The following FH variants were observed in gnomAD, a reference collection of about 807,000 sequenced individuals.
The protein encoded by FH is fumarate hydratase, mitochondrial.
A neutral mutation model predicts 49.4 loss-of-function variants in FH; 22 were observed. That is an observed-to-expected ratio of 0.45 (90% CI 0.32 to 0.64). The LOEUF (loss-of-function observed/expected upper bound fraction) is 0.64, where lower values mean the gene tolerates loss of function less well. FH is among the 30% of genes least tolerant of loss of function. The probability of loss-of-function intolerance (pLI) is 0.05; values close to 1 mark genes in which losing one functional copy is unlikely to be tolerated. For missense variants in FH, 526 were observed against 641.5 expected, an observed-to-expected ratio of 0.82 and a Z score of 1.95; for synonymous variants, 208 against 223.0, an observed-to-expected ratio of 0.93 and a Z score of 0.60.
intron 6 of FH, among the ~76,000 whole-genome samples, chr1:241,505,103 G>A (rs948808993): frequency 6.6e-6 from 1 of 151,732 alleles, no homozygotes; most frequent in Non-Finnish European, 1.5e-5. Context: ...TAGAGACAGG[G>A]TTTCGCCATG....
At chr1:241,505,112 T>C (rs966567914) in intron 6 of FH, among the ~76,000 whole-genome samples, 1 of 152,006 alleles carries the variant, frequency 6.6e-6, no homozygotes, top group South Asian at 2.1e-4. Context: ...GGTTTCGCCA[T>C]GTTGACCAGG....
In FH at chr1:241,498,853, A is replaced by G. The variant is rs534641958; in HGVS notation, c.1391-883T>C. Among the ~76,000 whole-genome samples the G allele has an allele frequency of 9.3e-5, 14 of 150,488 alleles. No homozygotes were observed. In the South Asian group the frequency reaches 2.9e-3, roughly 32 times the overall value. On this transcript the variant is annotated intron_variant, in intron 9 of 9. Transcript: ENST00000366560. ...CTTGCTGAGGCAGTATACATCATCA[A>G]TAAGATGGCATGTGTCAATATGCAA...
In FH at chr1:241,503,933, C is replaced by T. The variant is rs4660099; in HGVS notation, c.1108+109G>A. On this transcript the variant is annotated intron_variant, in intron 7 of 9. Transcript: ENST00000366560. ...AGACATGCTGGAACAGTGCGCCTTG[C>T]GCATCCAGCTGCGGGATAACTTTAA... 370,116 of 1,150,248 alleles carry T rather than the reference C, an allele frequency of 0.32. 63,390 individuals carry two copies. The highest frequency in any genetic ancestry group is 0.36 in the Non-Finnish European group (281,487 of 781,628). The allele number at this position is 1,150,248 out of a possible 1,614,324, so 71.3% of individuals were successfully genotyped here.
intron 1 of FH, 44 bp downstream of exon 1, chr1:241,519,547 G>C (rs1328065316): frequency 6.5e-7 from 1 of 1,538,742 alleles, no homozygotes; most frequent in East Asian, 2.5e-5. Context: ...CAGGAGGGCT[G>C]AAGGTCACTG....
rs2147917743 is a variant in FH, at chr1:241,506,133, T to C, written c.774A>G (p.Ala258=). ...FSGYVQQVKY[A]MTRIKAAMPR... Reference sequence around the variant, plus strand: ...GCATGGCAGCTTTTATTCTTGTCATTGCATATTTTACTTGTTGAACATAAC... The same window carrying C: ...GCATGGCAGCTTTTATTCTTGTCATCGCATATTTTACTTGTTGAACATAAC... The change falls in exon 6 of 10, where the codon GCA becomes GCG. Residue 258 remains alanine (A), a synonymous_variant. Transcript: ENST00000366560. 1.2e-6 allele frequency: 2 copies of C among 1,613,900 alleles called. No homozygotes were observed. Among genetic ancestry groups the C allele is most frequent in the African/African-American group, 1.3e-5 (1 of 75,026 alleles).
At chr1:241,506,660 T>C (rs937505550) in intron 5 of FH, among the ~76,000 whole-genome samples, 7 of 152,172 alleles carry the variant, frequency 4.6e-5, no homozygotes, top group African/African-American at 1.7e-4. Flanking sequence ...ATGAAGACAT[T>C]CTACAGAGAC....
intron 5 of FH, 99 bp from the exon 6 acceptor site, chr1:241,506,267 GA>G (rs1659928147): frequency 1.1e-6 from 1 of 891,322 alleles, no homozygotes; most frequent in Non-Finnish European, 1.7e-6. Context: ...ATACCTTTCA[GA>G]ATACTAAATT....
chr1:241,503,718 C>A (rs1659838294), intron 7 of FH, among the ~76,000 whole-genome samples: 1 of 152,236 alleles, frequency 6.6e-6, no homozygotes, highest in Non-Finnish European at 1.5e-5. Flanking sequence ...ATCTAACAGG[C>A]ATATAACGGA....
intron 2 of FH, among the ~76,000 whole-genome samples, chr1:241,514,210 G>C (rs956568515): frequency 3.3e-5 from 5 of 152,066 alleles, no homozygotes; most frequent in African/African-American, 1.2e-4. Context: ...ATCAGTATGA[G>C]ACTACCAGTG....
chr1:241,510,126 C>T (rs1028792089), intron 4 of FH, among the ~76,000 whole-genome samples: 5 of 152,082 alleles, frequency 3.3e-5, no homozygotes, highest in Non-Finnish European at 5.9e-5. Flanking sequence ...ATACAATGAA[C>T]GTGTATTAAA....
intron 8 of FH, 149 bp downstream of exon 8, chr1:241,502,294 T>C (rs1659800619): frequency 7.1e-6 from 6 of 840,494 alleles, no homozygotes; most frequent in African/African-American, 3.4e-5. Flanking sequence ...TCTAGGATTA[T>C]TCTGGTAACT....
intron 7 of FH, among the ~76,000 whole-genome samples, chr1:241,503,691 G>C (rs540360938): frequency 6.6e-6 from 1 of 152,218 alleles, no homozygotes; most frequent in African/African-American, 2.4e-5. Flanking sequence ...GACATACACT[G>C]TTGTGTCACT....
intron 1 of FH, 70 bp from the exon 2 acceptor site, chr1:241,517,386 C>A: frequency 6.4e-7 from 1 of 1,556,006 alleles, no homozygotes; most frequent in South Asian, 1.1e-5. Flanking sequence ...CGCATCTTAT[C>A]AGCTGTTAAA....
At chr1:241,504,595 C>T (rs1659866272) in intron 6 of FH, among the ~76,000 whole-genome samples, 1 of 152,052 alleles carries the variant, frequency 6.6e-6, no homozygotes, top group Non-Finnish European at 1.5e-5. Flanking sequence ...GTGCACACCA[C>T]CACGCCCAGC....
At position 241,504,162 on chromosome 1, in the gene FH, T is replaced by A. The variant is rs776313200; in HGVS notation, c.988A>T (p.Thr330Ser). 1 of 1,614,212 alleles carries A rather than the reference T, an allele frequency of 6.2e-7. No individual in the cohort carries two copies. The highest frequency in any genetic ancestry group is 1.7e-5 in the Admixed American group (1 of 60,026). The change falls in exon 7 of 10, where the codon ACT becomes TCT. Residue 330 changes from threonine (T) to serine (S), a missense_variant. By Grantham distance (58) the Thr-to-Ser change is moderately conservative (BLOSUM62 1). This residue lies in a region of FH where 383 missense variants were observed against 514.0 expected (regional missense o/e 0.75). Transcript: ENST00000366560. ...ATCTTCATCAGACTGCAGGCAGTAGTGTTCATGGCTCCACTGAGCTCAACC... is the reference window on the plus strand; with the variant it reads ...ATCTTCATCAGACTGCAGGCAGTAGAGTTCATGGCTCCACTGAGCTCAACC... ...ALVELSGAMN[T>S]TACSLMKIAN...
At chr1:241,503,027 A>G (rs1659822245) in intron 7 of FH, among the ~76,000 whole-genome samples, 2 of 152,278 alleles carry the variant, frequency 1.3e-5, no homozygotes, top group Admixed American at 6.5e-5. Context: ...AGGTGATGCT[A>G]AGCTAAAATT....
chr1:241,508,566 A>G (rs1439328550), intron 5 of FH, 37 bp downstream of exon 5: 2 of 1,573,078 alleles, frequency 1.3e-6, no homozygotes, highest in African/African-American at 2.7e-5. Context: ...ATTTGTACCA[A>G]GCTCTAAATT....
chr1:241,503,918 G>C, intron 7 of FH, 124 bp downstream of exon 7: 1 of 1,005,284 alleles, frequency 9.9e-7, no homozygotes. Context: ...AGACATGCTG[G>C]AACAGTGCGC....
intron 2 of FH, among the ~76,000 whole-genome samples, chr1:241,515,169 T>A (rs931942762): frequency 6.6e-6 from 1 of 152,226 alleles, no homozygotes; most frequent in Non-Finnish European, 1.5e-5. Context: ...TTAATCATAC[T>A]ACTCAGTTTA....
Sources: gnomAD v4.1 joint callset for allele counts (sites outside exome capture counted in the v4.1 genomes callset) on GRCh38, gnomAD v4.1.1 for gene constraint, gnomAD v4.1.1 regional missense constraint, MANE v1.5 for transcripts, NCBI Gene and HGNC (gene_info 2026-07-23, HGNC 2026-07-21) for gene names.